Variants in SAMD3 observed in about 807,000 individuals in gnomAD.
SAMD3 encodes the protein sterile alpha motif domain containing 3, also known as sterile alpha motif domain-containing protein 3.
SAMD3 carries 63 observed loss-of-function variants against 58.5 expected under a neutral mutation model. The observed-to-expected ratio is 1.08, with a 90% CI of 0.88 to 1.33. SAMD3 has a LOEUF of 1.33. SAMD3 is among the 40% of genes most tolerant of loss of function. SAMD3 has a pLI of 0.00. For missense variants in SAMD3, 604 were observed against 608.4 expected (o/e 0.99, Z 0.08); for synonymous variants, 220 against 210.3 (o/e 1.05, Z -0.40).
intron 5 of SAMD3, among the ~76,000 whole-genome samples, chr6:130,198,001 C>G (rs959517410): frequency 6.6e-6 from 1 of 152,154 alleles, no homozygotes; most frequent in Admixed American, 6.6e-5. Flanking sequence ...CATCCTGGCT[C>G]AAAAGCTCCC....
intron 5 of SAMD3, among the ~76,000 whole-genome samples, chr6:130,196,145 T>A (rs1379391637): frequency 6.6e-6 from 1 of 152,184 alleles, no homozygotes; most frequent in African/African-American, 2.4e-5. Context: ...TTGACCTTAC[T>A]GTTTTAGGCT....
chr6:130,170,027 C>T (rs927456705), intron 8 of SAMD3, among the ~76,000 whole-genome samples: 1 of 152,172 alleles, frequency 6.6e-6, no homozygotes, highest in Non-Finnish European at 1.5e-5. Context: ...TGTTATTTTA[C>T]AAAGTGATTT....
chr6:130,200,142 C>T (rs1794512942), intron 5 of SAMD3, among the ~76,000 whole-genome samples: 2 of 152,116 alleles, frequency 1.3e-5, no homozygotes, highest in South Asian at 2.1e-4. Context: ...TCCCCAATTC[C>T]TCTTGGTATT....
At chr6:130,337,725 A>G (rs1777146550) in intron 1 of SAMD3, among the ~76,000 whole-genome samples, 2 of 152,298 alleles carry the variant, frequency 1.3e-5, no homozygotes, top group Admixed American at 1.3e-4. Context: ...TGGGAACTGG[A>G]GCAAAGGTTA....
chr6:130,145,941 A>C, intron 10 of SAMD3, 69 bp downstream of exon 10: 1 of 1,008,592 alleles, frequency 9.9e-7, no homozygotes, highest in Non-Finnish European at 1.3e-6. Context: ...CTGACTACCA[A>C]AGCATAACTT....
At chr6:130,240,910 C>T (rs1161925621) in intron 2 of SAMD3, among the ~76,000 whole-genome samples, 1 of 152,132 alleles carries the variant, frequency 6.6e-6, no homozygotes, top group Admixed American at 6.5e-5. Flanking sequence ...ATTATAGCAG[C>T]ATGAAACAAA....
chr6:130,188,188 C>A (rs900702790), intron 5 of SAMD3, among the ~76,000 whole-genome samples: 5 of 152,136 alleles, frequency 3.3e-5, no homozygotes, highest in Non-Finnish European at 7.3e-5. Context: ...TTCCCTGCTT[C>A]CAAAGAGCAT....
chr6:130,322,615 G>A (rs1776624059), intron 1 of SAMD3, among the ~76,000 whole-genome samples: 1 of 152,142 alleles, frequency 6.6e-6, no homozygotes, highest in East Asian at 1.9e-4. Flanking sequence ...CAGCCTGGGC[G>A]ACAGAGTGAG....
At chr6:130,255,008 G>T (rs1374134060) in intron 2 of SAMD3, among the ~76,000 whole-genome samples, 2 of 152,050 alleles carry the variant, frequency 1.3e-5, no homozygotes, top group Non-Finnish European at 2.9e-5. Flanking sequence ...TTCCATGTTT[G>T]TCTCAAGATA....
At chr6:130,152,220 A>G (rs549034137) in intron 9 of SAMD3, among the ~76,000 whole-genome samples, 110 of 152,286 alleles carry the variant, frequency 7.2e-4, no homozygotes, top group African/African-American at 2.5e-3. Flanking sequence ...TGCAGGGACA[A>G]CTGTCCTCTT....
chr6:130,173,443 C>T (rs1437067834), intron 8 of SAMD3, among the ~76,000 whole-genome samples: 1 of 152,186 alleles, frequency 6.6e-6, no homozygotes, highest in Non-Finnish European at 1.5e-5. Context: ...CCCTCTTCTG[C>T]AGGTCTGCTA....
rs1232204454 is a variant in SAMD3, at chr6:130,146,018, A to G, written c.1187T>C (p.Met396Thr). The change falls in exon 10 of 12, where the codon ATG becomes ACG. Residue 396 changes from methionine (M) to threonine (T), a missense_variant. Met to Thr is a moderately conservative substitution (Grantham distance 81, BLOSUM62 -1). Coordinates refer to ENST00000439090, the MANE Select transcript of SAMD3 (RefSeq NM_001017373.4). ...EKMKHYTDED[M>T]LKYMKMTATC... The stretch of plus-strand genomic sequence containing the variant: ...CCATAAGGTTTACTAACATTTCAAC[A>G]TGTCTTCATCTGTGTAATGTTTCAT... 1.3e-6 allele frequency: 2 copies of G among 1,507,678 alleles called. No homozygotes were observed. Among genetic ancestry groups the G allele is most frequent in the Non-Finnish European group, 8.9e-7 (1 of 1,128,806 alleles). The allele number at this position is 1,507,678 out of a possible 1,614,324, so 93.4% of individuals were successfully genotyped here.
intron 7 of SAMD3, among the ~76,000 whole-genome samples, chr6:130,179,041 CAT>C (rs908901158): frequency 7.9e-5 from 12 of 151,946 alleles, no homozygotes; most frequent in African/African-American, 2.4e-4. Flanking sequence ...ATTTTTTTTC[CAT>C]ATGTTTCCTG....
At chr6:130,334,807 G>A (rs1777051785) in intron 1 of SAMD3, among the ~76,000 whole-genome samples, 1 of 152,124 alleles carries the variant, frequency 6.6e-6, no homozygotes, top group Admixed American at 6.5e-5. Context: ...CCCAACTTCT[G>A]GTATAGTTCT....
rs567987592 is a variant in SAMD3 at position 130,316,937 on chromosome 6, C to T, written c.-303-3844G>A. Among the ~76,000 whole-genome samples the T allele has an allele frequency of 6.6e-5, 10 of 152,242 alleles. No individual in the cohort carries two copies. In the South Asian group the frequency reaches 1.0e-3, roughly 16 times the overall value. On this transcript the variant is annotated intron_variant, in intron 1 of 13. Coordinates refer to the SAMD3 transcript ENST00000368134. ...ATTATTATCATTCCCATTTTCTTGA[C>T]CACAAAATGGCTTTAAGAGGTTGGT... is the stretch of plus-strand genomic sequence containing the variant.
Position 130,222,846 on chromosome 6 carries a change from G to C in SAMD3, c.-220C>G, listed in dbSNP as rs1796276199. 1 of 152,140 alleles carries C rather than the reference G, an allele frequency of 6.6e-6. No individual in the cohort carries two copies. Among genetic ancestry groups the C allele is most frequent in the Non-Finnish European group, 1.5e-5 (1 of 68,040 alleles). The allele number at this position is 152,140 out of a possible 1,614,324, so 9.4% of individuals were successfully genotyped here. ...ATGGAAGATATCACCTACAAATCTGGAATCTTGGTTTCTCTTGAAAAATCA... is the reference window on the plus strand; with the variant it reads ...ATGGAAGATATCACCTACAAATCTGCAATCTTGGTTTCTCTTGAAAAATCA... On this transcript the variant is annotated 5_prime_UTR_variant, in exon 1 of 12. Transcript: ENST00000439090.
intron 1 of SAMD3, among the ~76,000 whole-genome samples, chr6:130,356,600 A>G (rs1201668916): frequency 3.3e-5 from 5 of 152,232 alleles, no homozygotes. Context: ...ACATAGTAGT[A>G]GGAACACATG....
chr6:130,194,695 G>A (rs1793915752), intron 5 of SAMD3, among the ~76,000 whole-genome samples: 1 of 152,170 alleles, frequency 6.6e-6, no homozygotes, highest in African/African-American at 2.4e-5. Context: ...ATCTGTGCAG[G>A]ACCCCACTGG....
intron 2 of SAMD3, among the ~76,000 whole-genome samples, chr6:130,254,736 T>C (rs1339451100): frequency 6.6e-6 from 1 of 152,234 alleles, no homozygotes; most frequent in Non-Finnish European, 1.5e-5. Context: ...GTGATATCTT[T>C]GTCTGGCTTT....
Sources: allele counts gnomAD v4.1 joint callset (sites outside exome capture counted in the v4.1 genomes callset), GRCh38; gene constraint gnomAD v4.1.1; transcripts MANE v1.5; gene names NCBI Gene and HGNC (gene_info 2026-07-23, HGNC 2026-07-21).